PKD1L1: variants seen among roughly 807,000 people sequenced by gnomAD.
PKD1L1 encodes the protein polycystin-1-like protein 1.
In PKD1L1, 236 loss-of-function variants were observed where a neutral mutation model predicts 323.4. That is an observed-to-expected ratio of 0.73 (90% CI 0.66 to 0.81). PKD1L1 has a LOEUF of 0.81. Among genes scored for constraint, PKD1L1 ranks in the 40% least tolerant of loss-of-function variants. The pLI, the probability that PKD1L1 is intolerant of heterozygous loss-of-function variation, is 0.00. For synonymous variants in PKD1L1, 1,344 were observed against 1,335.0 expected, an observed-to-expected ratio of 1.01 and a Z score of -0.15; for missense variants, 3,320 against 3,508.0, an observed-to-expected ratio of 0.95 and a Z score of 1.35.
chr7:47,910,223 G>A (rs922095571), intron 8 of PKD1L1, among the ~76,000 whole-genome samples: 2 of 152,138 alleles, frequency 1.3e-5, no homozygotes, highest in African/African-American at 2.4e-5. Context: ...CAGATTTCAC[G>A]ACCACAAGTT....
At chr7:47,945,231 G>GA (rs1036530934) in intron 1 of PKD1L1, among the ~76,000 whole-genome samples, 7 of 152,236 alleles carry the variant, frequency 4.6e-5, no homozygotes, top group African/African-American at 1.4e-4. Flanking sequence ...TCTTTCCCCT[G>GA]AAAAATGCAT....
chr7:47,878,744 G>C (rs369598769), intron 21 of PKD1L1, among the ~76,000 whole-genome samples: 5 of 152,200 alleles, frequency 3.3e-5, no homozygotes, highest in African/African-American at 1.2e-4. Flanking sequence ...AATAACCACA[G>C]GGAAAGACTT....
At chr7:47,838,534 AT>A (rs34019382) in intron 36 of PKD1L1, among the ~76,000 whole-genome samples, 23,962 of 152,188 alleles carry the variant, frequency 0.16, 2,295 homozygotes, top group African/African-American at 0.27. Context: ...TAGCCCTGAA[AT>A]GATGTTTTAA....
chr7:47,783,476 T>C (rs929320276), intron 56 of PKD1L1, among the ~76,000 whole-genome samples: 1 of 152,242 alleles, frequency 6.6e-6, no homozygotes, highest in African/African-American at 2.4e-5. Context: ...TTTGCTTAAA[T>C]GTATTTGTTT....
At chr7:47,881,815 C>G in intron 20 of PKD1L1, 94 bp downstream of exon 20, 4 of 1,227,950 alleles carry the variant, frequency 3.3e-6, no homozygotes, top group Non-Finnish European at 4.5e-6. Context: ...AAATACTTAT[C>G]TAGTAAAACG....
chr7:47,933,510 G>A (rs1787811351), intron 4 of PKD1L1, among the ~76,000 whole-genome samples: 3 of 152,214 alleles, frequency 2.0e-5, no homozygotes, highest in Non-Finnish European at 4.4e-5. Flanking sequence ...GGTCAACAAT[G>A]TGGACTGCAC....
chr7:47,788,583 T>TAG (rs1786866848), intron 56 of PKD1L1, among the ~76,000 whole-genome samples: 1 of 122,030 alleles, frequency 8.2e-6, no homozygotes, highest in East Asian at 2.4e-4. Flanking sequence ...ATATATTTTT[T>TAG]TTTTTTAATT....
At position 47,834,148 on chromosome 7, in the gene PKD1L1, CG is replaced by C. The variant is rs57722636; in HGVS notation, c.6174+190del. 1 allele frequency among the ~76,000 whole-genome samples: 152,288 copies of C among 152,288 alleles called. 76,144 individuals are homozygous for C. Among genetic ancestry groups the C allele is most frequent in the Non-Finnish European group, 1 (68,030 of 68,030 alleles). The stretch of plus-strand genomic sequence containing the variant: ...TTGCCATGGCATGTGTCCTGGGAAA[CG>C]GGACCTCCCTCTAGGGAGGACGGCC... On this transcript the variant is annotated intron_variant, in intron 40 of 56. Coordinates refer to ENST00000289672, the MANE Select transcript of PKD1L1 (RefSeq NM_138295.5).
At position 47,946,597 on chromosome 7, in the gene PKD1L1, T is replaced by C. The variant is rs1788102556; in HGVS notation, c.44+1800A>G. On this transcript the variant is annotated intron_variant, in intron 1 of 56. Transcript: ENST00000289672. The surrounding 1 kb of genome is among the most constrained non-coding windows in gnomAD (Gnocchi z 4.1). ...TCACACACACACCATACCCCACTCA[T>C]ACCATACCACACATACACCACACAC... Among the ~76,000 whole-genome samples the C allele has an allele frequency of 6.7e-6, 1 of 148,580 alleles. No individual in the cohort carries two copies. Among genetic ancestry groups the C allele is most frequent in the African/African-American group, 2.5e-5 (1 of 40,166 alleles).
chr7:47,938,485 G>A (rs1029783404), intron 3 of PKD1L1, among the ~76,000 whole-genome samples: 11 of 152,186 alleles, frequency 7.2e-5, no homozygotes, highest in Admixed American at 7.2e-4. Context: ...AAGGCATGGT[G>A]CTAGTGAGCA....
intron 7 of PKD1L1, among the ~76,000 whole-genome samples, chr7:47,926,612 A>G (rs1224060636): frequency 6.6e-6 from 1 of 152,242 alleles, no homozygotes. Flanking sequence ...TTAAATAAAA[A>G]TACCAATAAG....
intron 21 of PKD1L1, among the ~76,000 whole-genome samples, chr7:47,880,284 A>ATATTTTTTTTTTT (rs1225214936): frequency 1.8e-5 from 1 of 56,782 alleles, no homozygotes; most frequent in African/African-American, 1.1e-4. Flanking sequence ...ATATATATAT[A>ATATTTTTTTTTTT]TTTTTTTTTT....
At chr7:47,785,993 C>T (rs139742077) in intron 56 of PKD1L1, among the ~76,000 whole-genome samples, 2,440 of 152,234 alleles carry the variant, frequency 0.016, 25 homozygotes, top group Non-Finnish European at 0.022. Flanking sequence ...CCACCTGCCT[C>T]GGCCTCCCAA....
chr7:47,922,778 C>T (rs1342539504), intron 7 of PKD1L1, among the ~76,000 whole-genome samples: 1 of 151,504 alleles, frequency 6.6e-6, no homozygotes, highest in African/African-American at 2.4e-5. Flanking sequence ...CCCCGGCCAG[C>T]CGCCCCATCT....
At chr7:47,799,610 C>G (rs1198906507) in intron 54 of PKD1L1, among the ~76,000 whole-genome samples, 1 of 152,102 alleles carries the variant, frequency 6.6e-6, no homozygotes, top group African/African-American at 2.4e-5. Flanking sequence ...ATGCTCAGAG[C>G]CTTTGGGGGT....
intron 3 of PKD1L1, among the ~76,000 whole-genome samples, 156 bp downstream of exon 3, chr7:47,940,037 G>C (rs897727000): frequency 2.6e-5 from 4 of 152,358 alleles, no homozygotes; most frequent in African/African-American, 9.6e-5. Context: ...CTGAATTAAG[G>C]CTTTATAAGT....
In PKD1L1 at chr7:47,775,058, CA is replaced by C. The variant is rs1786537500; in HGVS notation, c.*84del. ...TTCGTACCTCAGCTCTTCTCACCTGCAAAACTAGGATGTCTGCTAAAATTGG... is the reference window on the plus strand; with the variant it reads ...TTCGTACCTCAGCTCTTCTCACCTGCAAACTAGGATGTCTGCTAAAATTGG... On this transcript the variant is annotated 3_prime_UTR_variant, in exon 57 of 57. Transcript: ENST00000289672. 1 of 1,474,960 alleles carries C rather than the reference CA, an allele frequency of 6.8e-7. No homozygotes were observed. 91.4% of individuals were successfully genotyped at this position (1,474,960 alleles called of 1,614,324 possible).
intron 7 of PKD1L1, among the ~76,000 whole-genome samples, chr7:47,926,107 T>C (rs71547871): frequency 0.06 from 9,157 of 152,278 alleles, 384 homozygotes; most frequent in East Asian, 0.14. Context: ...TTCCAGATCT[T>C]TTCCTGATCC....
At chr7:47,786,096 C>T (rs1203230713) in intron 56 of PKD1L1, among the ~76,000 whole-genome samples, 1 of 152,144 alleles carries the variant, frequency 6.6e-6, no homozygotes, top group African/African-American at 2.4e-5. Context: ...AGGATTCAAA[C>T]TTAGTGTTCA....
Sources: allele counts gnomAD v4.1 joint callset (sites outside exome capture counted in the v4.1 genomes callset), GRCh38; gene constraint gnomAD v4.1.1; non-coding constraint Gnocchi (gnomAD v3.1); transcripts MANE v1.5; gene names NCBI Gene and HGNC (gene_info 2026-07-23, HGNC 2026-07-21).